Variants in TMX3 observed in about 807,000 individuals in gnomAD.
The protein encoded by TMX3 is thioredoxin related transmembrane protein 3, also known as protein disulfide-isomerase TMX3.
A neutral mutation model predicts 64.4 loss-of-function variants in TMX3; 40 were observed. The observed-to-expected ratio is 0.62, with a 90% CI of 0.48 to 0.81. The LOEUF (loss-of-function observed/expected upper bound fraction) is 0.81. Ranked by LOEUF, TMX3 falls within the 30% of genes least tolerant of loss-of-function variation. TMX3 has a pLI of 0.00. For missense variants in TMX3, 497 were observed against 534.5 expected (o/e 0.93, Z 0.69); for synonymous variants, 189 against 175.7 (o/e 1.08, Z -0.60).
At chr18:68,682,070 G>C (rs1169176816) in intron 13 of TMX3, among the ~76,000 whole-genome samples, 1 of 152,164 alleles carries the variant, frequency 6.6e-6, no homozygotes, top group Admixed American at 6.5e-5. Flanking sequence ...GGTGGGGAAG[G>C]TGAGGATGGG....
At position 68,675,225 on chromosome 18, in the gene TMX3, T is replaced by C. The variant is rs956405613; in HGVS notation, c.*1708A>G. On this transcript the variant is annotated 3_prime_UTR_variant, in exon 16 of 16. Transcript: ENST00000299608. ...CATTTATCTTCCCAAGAATCACTCA[T>C]CATTCTTTGGAGAAGAATCTACTTG... is the stretch of plus-strand genomic sequence containing the variant. The C allele has an allele frequency of 6.6e-6, 1 of 152,154 alleles. No homozygotes were observed. The highest frequency in any genetic ancestry group is 2.1e-4 in the South Asian group (1 of 4,826). The allele number at this position is 152,154 out of a possible 1,614,324, so 9.4% of individuals were successfully genotyped here.
At chr18:68,683,428 ACTGT>A (rs1164229356) in intron 12 of TMX3, among the ~76,000 whole-genome samples, 3 of 152,154 alleles carry the variant, frequency 2.0e-5, no homozygotes, top group Non-Finnish European at 4.4e-5. Context: ...ATTTATATTG[ACTGT>A]CTTTTTTTAT....
chr18:68,699,030 A>C (rs939794859), intron 6 of TMX3, among the ~76,000 whole-genome samples: 2 of 152,074 alleles, frequency 1.3e-5, no homozygotes, highest in Admixed American at 1.3e-4. Context: ...TCAAAAAAAA[A>C]AAAACCAAAA....
At chr18:68,681,451 C>T in intron 13 of TMX3, 7 of 983,780 alleles carry the variant, frequency 7.1e-6, no homozygotes, top group Non-Finnish European at 8.5e-6. Context: ...GTCAACAGTC[C>T]CTTTAATAAT....
chr18:68,710,778 C>G (rs2031197413), intron 3 of TMX3, among the ~76,000 whole-genome samples: 1 of 152,136 alleles, frequency 6.6e-6, no homozygotes, highest in African/African-American at 2.4e-5. Context: ...TAACTTTATA[C>G]TATGAAAATG....
rs1252698176 is a variant in TMX3 at position 68,712,994 on chromosome 18, C to A, written c.101+852G>T. On this transcript the variant is annotated intron_variant, in intron 2 of 15. Coordinates refer to ENST00000299608, the MANE Select transcript of TMX3 (RefSeq NM_019022.5). ...ATTCACTTACTGTGACAGTGCAAGT[C>A]AAGAGGTTTAAAAAAAAAAAAAAAA... Among the ~76,000 whole-genome samples, 19 of 139,800 alleles carry A rather than the reference C, an allele frequency of 1.4e-4. No homozygotes were observed. The East Asian group carries it at 1.5e-3, about 11-fold the overall frequency. The allele number at this position is 139,800 out of a possible 152,430, so 91.7% of individuals were successfully genotyped here.
At chr18:68,681,819 G>C (rs372282272) in intron 13 of TMX3, among the ~76,000 whole-genome samples, 59 of 152,272 alleles carry the variant, frequency 3.9e-4, no homozygotes, top group Middle Eastern at 3.4e-3. Context: ...CTAAGAGTTA[G>C]TGTGTCTCTA....
At chr18:68,696,382 C>T (rs1915073191) in intron 8 of TMX3, among the ~76,000 whole-genome samples, 1 of 152,124 alleles carries the variant, frequency 6.6e-6, no homozygotes, top group Admixed American at 6.5e-5. Context: ...ACATGTTGGC[C>T]AGGCTGGTCT....
In TMX3 at chr18:68,705,175, G is replaced by A. The variant is rs927685229; in HGVS notation, c.266-3385C>T. On this transcript the variant is annotated intron_variant, in intron 4 of 15. Transcript: ENST00000299608. Reference sequence around the variant, plus strand: ...CTGGTATCTAGTGGGCAGAGGTGAGGGAAGCTCCTAAACATCCCACAATGC... The same window carrying A: ...CTGGTATCTAGTGGGCAGAGGTGAGAGAAGCTCCTAAACATCCCACAATGC... Among the ~76,000 whole-genome samples the A allele has an allele frequency of 1.3e-5, 2 of 152,018 alleles. 1 individual carries two copies. Among genetic ancestry groups the A allele is most frequent in the Admixed American group, 1.3e-4 (2 of 15,258 alleles).
At chr18:68,706,110 T>C (rs527719745) in intron 4 of TMX3, among the ~76,000 whole-genome samples, 1 of 152,312 alleles carries the variant, frequency 6.6e-6, no homozygotes, top group South Asian at 2.1e-4. Context: ...GACTCTCGGC[T>C]GGGCACAGTG....
chr18:68,676,868 T>C lies in TMX3; in HGVS notation c.*65A>G. ...TCTGTAAAGATCATGATTAAATGTC[T>C]AAATTCAATAAATAGACTCTTTAAT... On this transcript the variant is annotated 3_prime_UTR_variant, in exon 16 of 16. Coordinates refer to ENST00000299608, the MANE Select transcript of TMX3 (RefSeq NM_019022.5). The C allele has an allele frequency of 6.5e-7, 1 of 1,536,732 alleles. No individual in the cohort carries two copies. The highest frequency in any genetic ancestry group is 8.8e-7 in the Non-Finnish European group (1 of 1,141,612).
chr18:68,695,146 T>C (rs1192852996), intron 8 of TMX3, among the ~76,000 whole-genome samples: 1 of 152,182 alleles, frequency 6.6e-6, no homozygotes, highest in Non-Finnish European at 1.5e-5. Context: ...TTCTCCCCAT[T>C]ACTCCTCTGA....
chr18:68,710,828 C>G (rs764468520), intron 3 of TMX3, among the ~76,000 whole-genome samples: 5 of 152,190 alleles, frequency 3.3e-5, no homozygotes, highest in African/African-American at 4.8e-5. Context: ...AAACAGTGAT[C>G]TGTCAACTCT....
At chr18:68,712,886 C>A (rs572337892) in intron 2 of TMX3, among the ~76,000 whole-genome samples, 1 of 151,984 alleles carries the variant, frequency 6.6e-6, no homozygotes, top group Non-Finnish European at 1.5e-5. Context: ...CACCCTCTCA[C>A]TGCACCCATT....
chr18:68,713,417 T>C (rs1033807718), intron 2 of TMX3, among the ~76,000 whole-genome samples: 3 of 152,156 alleles, frequency 2.0e-5, no homozygotes, highest in Non-Finnish European at 2.9e-5. Flanking sequence ...CACCTTCCCC[T>C]ATGCCAGAAA....
intron 5 of TMX3, chr18:68,701,491 G>T: frequency 1.7e-6 from 1 of 602,666 alleles, no homozygotes; most frequent in Non-Finnish European, 2.7e-6. Context: ...ATTTATGACT[G>T]TATACTTGTC....
intron 8 of TMX3, among the ~76,000 whole-genome samples, chr18:68,692,475 T>C (rs1914619602): frequency 6.6e-6 from 1 of 152,214 alleles, no homozygotes; most frequent in Admixed American, 6.5e-5. Context: ...AGAAATTGTC[T>C]GAATTCATCC....
intron 13 of TMX3, chr18:68,681,608 T>C (rs1599297150): frequency 1.0e-6 from 1 of 985,436 alleles, no homozygotes; most frequent in Non-Finnish European, 1.2e-6. Context: ...TAGCTGAAGA[T>C]GATGAATGTT....
intron 2 of TMX3, among the ~76,000 whole-genome samples, chr18:68,713,297 G>A (rs1284471891): frequency 6.6e-6 from 1 of 152,212 alleles, no homozygotes; most frequent in African/African-American, 2.4e-5. Flanking sequence ...TGGGTTGGGA[G>A]TGTAGACATG....
Sources: gnomAD v4.1 joint callset for allele counts (sites outside exome capture counted in the v4.1 genomes callset) on GRCh38, gnomAD v4.1.1 for gene constraint, MANE v1.5 for transcripts, NCBI Gene and HGNC (gene_info 2026-07-23, HGNC 2026-07-21) for gene names.